Variants in XPO6 observed in about 807,000 individuals in gnomAD.
XPO6 encodes the protein exportin-6.
Under a neutral mutation model 130.0 loss-of-function variants are expected in XPO6, and 3 were observed. The observed-to-expected ratio is 0.02, with a 90% CI of 0.01 to 0.06. The LOEUF (loss-of-function observed/expected upper bound fraction) is 0.06, where lower values mean the gene tolerates loss of function less well. XPO6 is among the 10% of genes least tolerant of loss of function. The probability of loss-of-function intolerance (pLI) is 1.00; values close to 1 mark genes in which losing one functional copy is unlikely to be tolerated. For missense variants in XPO6, 970 were observed against 1,393.0 expected, an observed-to-expected ratio of 0.70 and a Z score of 4.83; for synonymous variants, 524 against 548.9, an observed-to-expected ratio of 0.95 and a Z score of 0.63.
intron 1 of XPO6, among the ~76,000 whole-genome samples, chr16:28,208,132 C>T (rs1049668148): frequency 1.3e-5 from 2 of 151,984 alleles, no homozygotes; most frequent in African/African-American, 2.4e-5. Flanking sequence ...GGTGACAGAG[C>T]GAGACTCCGT....
chr16:28,175,830 G>C, intron 4 of XPO6, 68 bp downstream of exon 4: 1 of 1,463,494 alleles, frequency 6.8e-7, no homozygotes, highest in Non-Finnish European at 9.5e-7. Flanking sequence ...TCCTCTTCAG[G>C]ACAAGGAAAT....
intron 23 of XPO6, among the ~76,000 whole-genome samples, chr16:28,100,799 T>A (rs1376405878): frequency 6.6e-6 from 1 of 152,166 alleles, no homozygotes; most frequent in Non-Finnish European, 1.5e-5. Context: ...TCCCAGGCAC[T>A]GTCAGGCTCC....
Position 28,132,797 on chromosome 16 carries a change from G to C in XPO6, c.1537-394C>G, listed in dbSNP as rs2042699320. Among the ~76,000 whole-genome samples the C allele has an allele frequency of 6.6e-6, 1 of 152,160 alleles. No homozygotes were observed. Among genetic ancestry groups the C allele is most frequent in the East Asian group, 1.9e-4 (1 of 5,158 alleles). ...TCAAATCCAAGGGAACCTCTACCTT[G>C]AGAGAAATGTCAGCTATGCCTTATT... On this transcript the variant is annotated intron_variant, in intron 11 of 23. Coordinates refer to ENST00000304658, the MANE Select transcript of XPO6 (RefSeq NM_015171.4). The surrounding 1 kb of genome is among the most constrained non-coding windows in gnomAD (Gnocchi z 4.0).
Position 28,166,497 on chromosome 16 carries a change from G to T in XPO6, c.643+11C>A, listed in dbSNP as rs904442164. 1.9e-6 allele frequency: 3 copies of T among 1,577,430 alleles called. No homozygotes were observed. The highest frequency in any genetic ancestry group is 2.6e-6 in the Non-Finnish European group (3 of 1,159,896). ...AAAAGAAGAATGCCTTGGCTGGCAGGCAGACCATACCACTTTCTCCTGAGG... is the reference window on the plus strand; with the variant it reads ...AAAAGAAGAATGCCTTGGCTGGCAGTCAGACCATACCACTTTCTCCTGAGG... On this transcript the variant is annotated intron_variant, in intron 6 of 23. Transcript: ENST00000304658.
In XPO6 at chr16:28,166,535, G is replaced by T; in HGVS notation, c.616C>A (p.Pro206Thr). The T allele has an allele frequency of 6.3e-7, 1 of 1,594,136 alleles. No homozygotes were observed. The highest frequency in any genetic ancestry group is 8.6e-7 in the Non-Finnish European group (1 of 1,169,234). ...DKHSVTAATP[P>T]PSPTSGESGD... ...CTTTCTCCTGAGGTCGGGGATGGTG[G>T]TGGAGTGGCAGCAGTAACACTGTGT... The change falls in exon 6 of 24, where the codon CCA becomes ACA. Residue 206 changes from proline (P) to threonine (T), a missense_variant. Pro to Thr is a conservative substitution (Grantham distance 38, BLOSUM62 -1). This residue lies in a region of XPO6 where 936 missense variants were observed against 1,306.8 expected (regional missense o/e 0.72). Coordinates refer to ENST00000304658, the MANE Select transcript of XPO6 (RefSeq NM_015171.4).
At chr16:28,179,228 G>A (rs1490527562) in intron 2 of XPO6, 4 of 152,228 alleles carry the variant, frequency 2.6e-5, no homozygotes, top group Non-Finnish European at 5.9e-5. Flanking sequence ...ATAAGAAAAG[G>A]GGGGAAACAT....
intron 9 of XPO6, among the ~76,000 whole-genome samples, chr16:28,144,971 C>G (rs1028016239): frequency 4.6e-5 from 7 of 152,126 alleles, no homozygotes; most frequent in African/African-American, 1.7e-4. Context: ...GGTTTTACAA[C>G]ACAATGACCA....
intron 12 of XPO6, among the ~76,000 whole-genome samples, chr16:28,130,733 C>T (rs886905599): frequency 3.3e-5 from 5 of 152,104 alleles, no homozygotes; most frequent in Admixed American, 1.3e-4. Context: ...AGCAAGTATG[C>T]GGTATTTCCT....
chr16:28,141,820 C>T (rs945616465), intron 9 of XPO6, among the ~76,000 whole-genome samples: 2 of 152,140 alleles, frequency 1.3e-5, no homozygotes, highest in East Asian at 1.9e-4. Context: ...ATTAGCCGGG[C>T]GTGGTGGCGG....
rs545733437 is a variant in XPO6 at position 28,101,017 on chromosome 16, G to A, written c.3276+441C>T. 8.5e-5 allele frequency: 23 copies of A among 270,860 alleles called. No homozygotes were observed. Among genetic ancestry groups the A allele is most frequent in the Middle Eastern group, 1.4e-3 (1 of 730 alleles). The allele number at this position is 270,860 out of a possible 1,614,324, so 16.8% of individuals were successfully genotyped here. On this transcript the variant is annotated intron_variant, in intron 23 of 23. Transcript: ENST00000304658. This position sits in a 1 kb window ranked among gnomAD's most constrained non-coding sequence, Gnocchi z 5.4. ...GGTCTGGAAAGAGCCCAAGACAGCC[G>A]GGGAACCTGGGTCCCACCTCTAACC...
chr16:28,192,785 T>A (rs537470078), intron 1 of XPO6, among the ~76,000 whole-genome samples: 28 of 152,198 alleles, frequency 1.8e-4, no homozygotes, highest in Middle Eastern at 6.8e-3. Context: ...CCCCCCTGAA[T>A]GTAGGCTAAA....
At chr16:28,200,513 C>T (rs1363224140) in intron 1 of XPO6, among the ~76,000 whole-genome samples, 3 of 151,036 alleles carry the variant, frequency 2.0e-5, no homozygotes, top group Non-Finnish European at 2.9e-5. Context: ...GACGGAGTTT[C>T]GTCTGTCACC....
chr16:28,181,123 A>T, intron 1 of XPO6, 92 bp from the exon 2 acceptor site: 1 of 911,576 alleles, frequency 1.1e-6, no homozygotes, highest in Middle Eastern at 2.2e-4. Flanking sequence ...CAGCAAGAGC[A>T]ATTTACTTCC....
intron 13 of XPO6, among the ~76,000 whole-genome samples, chr16:28,123,310 G>A (rs372799334): frequency 2.6e-5 from 4 of 152,070 alleles, no homozygotes; most frequent in East Asian, 3.9e-4. Flanking sequence ...GTTTCGTCAT[G>A]TTGTCCAGGT....
chr16:28,124,473 T>C (rs868480955), intron 13 of XPO6, among the ~76,000 whole-genome samples: 1 of 152,100 alleles, frequency 6.6e-6, no homozygotes, highest in South Asian at 2.1e-4. Flanking sequence ...TCAGTGCAAA[T>C]GGGCCCAGTA....
At chr16:28,183,812 T>C (rs182590996) in intron 1 of XPO6, among the ~76,000 whole-genome samples, 10 of 152,328 alleles carry the variant, frequency 6.6e-5, no homozygotes, top group Admixed American at 6.5e-4. Flanking sequence ...CTCCCAATCA[T>C]ATCTAGTGGG....
At chr16:28,158,022 C>T (rs1452673953) in intron 6 of XPO6, among the ~76,000 whole-genome samples, 1 of 152,098 alleles carries the variant, frequency 6.6e-6, no homozygotes, top group African/African-American at 2.4e-5. Context: ...GGTATCATAT[C>T]ACACAGTGAG....
chr16:28,157,082 A>G (rs970754297), intron 6 of XPO6, among the ~76,000 whole-genome samples: 2 of 152,226 alleles, frequency 1.3e-5, no homozygotes. Context: ...TATTTGAAAT[A>G]TAAGAGAGAA....
At chr16:28,102,065 A>C in intron 21 of XPO6, 120 bp from the exon 22 acceptor site, 1 of 713,118 alleles carries the variant, frequency 1.4e-6, no homozygotes. Flanking sequence ...CTTCTGGCCC[A>C]CCAGCTCAGA....
Sources: allele counts gnomAD v4.1 joint callset (sites outside exome capture counted in the v4.1 genomes callset), GRCh38; gene constraint gnomAD v4.1.1; regional missense constraint gnomAD v4.1.1; non-coding constraint Gnocchi (gnomAD v3.1); transcripts MANE v1.5; gene names NCBI Gene and HGNC (gene_info 2026-07-23, HGNC 2026-07-21).